EPHA7: variants seen among roughly 807,000 people sequenced by gnomAD.
The protein encoded by EPHA7 is EPH receptor A7.
In EPHA7, 25 loss-of-function variants were observed where a neutral mutation model predicts 112.6. That is an observed-to-expected ratio of 0.22 (90% CI 0.16 to 0.31). EPHA7 has a LOEUF of 0.31. Ranked by LOEUF, EPHA7 falls within the 10% of genes least tolerant of loss-of-function variation. The pLI, the probability that EPHA7 is intolerant of heterozygous loss-of-function variation, is 1.00. For synonymous variants in EPHA7, 437 were observed against 406.5 expected (o/e 1.07, Z -0.90); for missense variants, 962 against 1,212.6 (o/e 0.79, Z 3.07).
chr6:93,343,467 G>T (rs890746379), intron 5 of EPHA7, among the ~76,000 whole-genome samples: 2 of 151,710 alleles, frequency 1.3e-5, no homozygotes, highest in African/African-American at 4.8e-5. Flanking sequence ...ATAAATTTAA[G>T]TGTATAAAAA....
rs557682671 is a variant in EPHA7, at chr6:93,352,667, G to C, written c.1324+4050C>G. 2.0e-5 allele frequency among the ~76,000 whole-genome samples: 3 copies of C among 152,124 alleles called. No individual in the cohort carries two copies. The South Asian group carries it at 6.2e-4, about 32-fold the overall frequency. ...CCCCCATAGTGCTTGACATGCACTA[G>C]GTACTTAGTGTAGTTGGACAAACTA... On this transcript the variant is annotated intron_variant, in intron 5 of 16. Transcript: ENST00000369303.
intron 2 of EPHA7, among the ~76,000 whole-genome samples, 162 bp downstream of exon 2, chr6:93,414,541 C>T (rs1779130925): frequency 6.6e-6 from 1 of 151,768 alleles, no homozygotes; most frequent in Admixed American, 6.6e-5. Flanking sequence ...CCTCTCTAAT[C>T]AGGGAACTCA....
intron 3 of EPHA7, among the ~76,000 whole-genome samples, chr6:93,377,506 A>G (rs1166655044): frequency 6.6e-6 from 1 of 150,990 alleles, no homozygotes; most frequent in African/African-American, 2.4e-5. Flanking sequence ...TTGGAAATTA[A>G]CTTTGAAATA....
At chr6:93,291,259 C>T (rs1772346329) in intron 5 of EPHA7, among the ~76,000 whole-genome samples, 1 of 152,092 alleles carries the variant, frequency 6.6e-6, no homozygotes, top group Non-Finnish European at 1.5e-5. Flanking sequence ...ACAGTTTGTA[C>T]TTACTAAAAT....
At chr6:93,265,078 T>C (rs1026452554) in intron 7 of EPHA7, among the ~76,000 whole-genome samples, 3 of 151,718 alleles carry the variant, frequency 2.0e-5, no homozygotes, top group African/African-American at 7.2e-5. Flanking sequence ...TCTTGTTTTT[T>C]GGTATGTGAA....
chr6:93,394,993 T>C (rs1219620782), intron 3 of EPHA7, among the ~76,000 whole-genome samples: 1 of 151,884 alleles, frequency 6.6e-6, no homozygotes, highest in Non-Finnish European at 1.5e-5. Flanking sequence ...AGCATTTTTC[T>C]TATTACTGGC....
chr6:93,377,802 C>A lies in EPHA7; in HGVS notation c.833-19391G>T, dbSNP rs534974610. 7.5e-4 allele frequency among the ~76,000 whole-genome samples: 114 copies of A among 152,246 alleles called. 1 individual carries two copies. Among genetic ancestry groups the A allele is most frequent in the Middle Eastern group, 6.8e-3 (2 of 294 alleles). ...TCATAACAGTAACTCTGTGTCAAAT[C>A]GTTATCATACTTCACCTCATTCAGG... On this transcript the variant is annotated intron_variant, in intron 3 of 16. Coordinates refer to ENST00000369303, the MANE Select transcript of EPHA7 (RefSeq NM_004440.4).
intron 6 of EPHA7, among the ~76,000 whole-genome samples, chr6:93,270,584 T>A (rs1412650866): frequency 6.6e-6 from 1 of 151,702 alleles, no homozygotes; most frequent in African/African-American, 2.4e-5. Context: ...TGGTGTATAA[T>A]AAATACATGT....
chr6:93,260,804 C>G, intron 9 of EPHA7: 1 of 916,654 alleles, frequency 1.1e-6, no homozygotes, highest in Non-Finnish European at 1.3e-6. Flanking sequence ...AAAAACAACA[C>G]GAGAAGAAAA....
intron 5 of EPHA7, among the ~76,000 whole-genome samples, chr6:93,320,004 A>C (rs989282548): frequency 7.9e-5 from 12 of 152,004 alleles, no homozygotes; most frequent in African/African-American, 2.9e-4. Flanking sequence ...GATTTACTAG[A>C]TATTTAGGGA....
chr6:93,379,476 C>A (rs566972402), intron 3 of EPHA7, among the ~76,000 whole-genome samples: 1 of 151,990 alleles, frequency 6.6e-6, no homozygotes, highest in African/African-American at 2.4e-5. Flanking sequence ...TTATCAGATA[C>A]ATGAAGATCA....
chr6:93,415,116 A>G (rs1779162272), intron 1 of EPHA7, among the ~76,000 whole-genome samples: 1 of 152,014 alleles, frequency 6.6e-6, no homozygotes. Flanking sequence ...AAATTTGTCA[A>G]ATACAATAAC....
At position 93,357,019 on chromosome 6, in the gene EPHA7, T is replaced by A. The variant is rs758347037; in HGVS notation, c.1022A>T (p.Asn341Ile). 1 of 1,613,616 alleles carries A rather than the reference T, an allele frequency of 6.2e-7. No individual in the cohort carries two copies. The highest frequency in any genetic ancestry group is 1.1e-5 in the South Asian group (1 of 91,078). Residue 341 changes from asparagine (N) to isoleucine (I), a missense_variant, in exon 5 of 17, where the codon AAC becomes ATC. Asn to Ile is a moderately radical substitution (Grantham distance 149). Around this residue, in one of 3 missense-constraint regions of EPHA7, gnomAD observed 746 missense variants for 889.2 expected, o/e 0.84. Coordinates refer to ENST00000369303, the MANE Select transcript of EPHA7 (RefSeq NM_004440.4). ...CAAACTTACTGTGGTTTGGTTGATG[T>A]TGAAAATGAGGTTCTGTGGTGCAGA... ...PPSAPQNLIF[N>I]INQTTVSLEW...
At chr6:93,269,703 C>G (rs759148644) in intron 6 of EPHA7, 43 bp from the exon 7 acceptor site, 1 of 1,417,698 alleles carries the variant, frequency 7.1e-7, no homozygotes, top group South Asian at 1.5e-5. Flanking sequence ...GTGATTGCAA[C>G]CAGACAATTT....
chr6:93,340,130 A>C (rs1244446815), intron 5 of EPHA7, among the ~76,000 whole-genome samples: 3 of 151,868 alleles, frequency 2.0e-5, no homozygotes, highest in Non-Finnish European at 4.4e-5. Context: ...ATATAAACAA[A>C]ACAATTTCTT....
In EPHA7 at chr6:93,257,482, C is replaced by A; in HGVS notation, c.2152G>T (p.Ala718Ser). 1 of 1,611,200 alleles carries A rather than the reference C, an allele frequency of 6.2e-7. No homozygotes were observed. Among genetic ancestry groups the A allele is most frequent in the East Asian group, 2.2e-5 (1 of 44,748 alleles). The part of the protein sequence containing the change: ...MIVIEFMENG[A>S]LDAFLRKHDG... Reference sequence around the variant, plus strand: ...CTTACCCTGAGAAATGCATCTAGGGCTCCATTTTCCATGAACTCTATTACT... The same window carrying A: ...CTTACCCTGAGAAATGCATCTAGGGATCCATTTTCCATGAACTCTATTACT... The change falls in exon 12 of 17, where the codon GCC becomes TCC. Residue 718 changes from alanine to serine, a missense_variant. Around this residue, in one of 3 missense-constraint regions of EPHA7, gnomAD observed 746 missense variants for 889.2 expected, o/e 0.84. Coordinates refer to ENST00000369303, the MANE Select transcript of EPHA7 (RefSeq NM_004440.4).
At chr6:93,417,790 C>T (rs1231498290) in intron 1 of EPHA7, among the ~76,000 whole-genome samples, 1 of 151,986 alleles carries the variant, frequency 6.6e-6, no homozygotes, top group Non-Finnish European at 1.5e-5. Context: ...TCTGCAAACG[C>T]GTAACCGCCA....
intron 3 of EPHA7, among the ~76,000 whole-genome samples, chr6:93,368,759 A>G (rs1310975140): frequency 1.3e-5 from 2 of 152,188 alleles, no homozygotes; most frequent in East Asian, 1.9e-4. Flanking sequence ...GTTTTCTGCG[A>G]TAATTTTAAA....
chr6:93,364,387 G>A (rs2127953473), intron 3 of EPHA7, among the ~76,000 whole-genome samples: 1 of 152,042 alleles, frequency 6.6e-6, no homozygotes, highest in South Asian at 2.1e-4. Context: ...AGCCAGGCGT[G>A]GTGGCAGGCA....
Sources: gnomAD v4.1 joint callset for allele counts (sites outside exome capture counted in the v4.1 genomes callset) on GRCh38, gnomAD v4.1.1 for gene constraint, gnomAD v4.1.1 regional missense constraint, MANE v1.5 for transcripts, NCBI Gene and HGNC (gene_info 2026-07-23, HGNC 2026-07-21) for gene names.